GSE1: variants seen among roughly 807,000 people sequenced by gnomAD.
GSE1 encodes Gse1 coiled-coil protein, also known as genetic suppressor element 1.
A neutral mutation model predicts 112.6 loss-of-function variants in GSE1; 32 were observed. The ratio of observed to expected loss-of-function variants is 0.28; its 90% confidence interval spans 0.21 to 0.38. The LOEUF (loss-of-function observed/expected upper bound fraction) is 0.38. Among genes scored for constraint, GSE1 ranks in the 10% least tolerant of loss-of-function variants. The probability of loss-of-function intolerance (pLI) is 1.00; values close to 1 mark genes in which losing one functional copy is unlikely to be tolerated. For missense variants in GSE1, 2,348 were observed against 1,699.2 expected (o/e 1.38, Z -6.71); for synonymous variants, 1,115 against 735.6 (o/e 1.52, Z -8.35).
intron 1 of GSE1, among the ~76,000 whole-genome samples, chr16:85,568,774 G>C (rs1396003809): frequency 6.6e-6 from 1 of 152,148 alleles, no homozygotes; most frequent in Admixed American, 6.5e-5. Context: ...GCTGGGCTGG[G>C]GCCAGCTCAA....
chr16:85,644,958 G>A (rs894537250), intron 2 of GSE1, among the ~76,000 whole-genome samples: 16 of 151,844 alleles, frequency 1.1e-4, no homozygotes, highest in Admixed American at 3.9e-4. Flanking sequence ...ACAGAAAAGC[G>A]CCTAGACTGC....
chr16:85,286,720 T>C (rs1567664083), intron 1 of GSE1, among the ~76,000 whole-genome samples: 1 of 151,480 alleles, frequency 6.6e-6, no homozygotes, highest in African/African-American at 2.4e-5. Flanking sequence ...TTTTTTTTTT[T>C]GAAAGATGAA....
intron 1 of GSE1, among the ~76,000 whole-genome samples, chr16:85,238,306 G>T (rs1375387860): frequency 6.6e-6 from 1 of 152,238 alleles, no homozygotes; most frequent in Admixed American, 6.5e-5. Context: ...TTCTCCCTCA[G>T]TGCCTGTTTG....
At chr16:85,505,895 C>T (rs8062947) in intron 2 of GSE1, among the ~76,000 whole-genome samples, 38,169 of 151,760 alleles carry the variant, frequency 0.25, 5,075 homozygotes, top group Middle Eastern at 0.41. Flanking sequence ...GGAGGATGAG[C>T]CCAGGAGGTC....
At chr16:85,498,535 A>T (rs903033732) in intron 2 of GSE1, among the ~76,000 whole-genome samples, 1 of 143,994 alleles carries the variant, frequency 6.9e-6, no homozygotes, top group African/African-American at 2.6e-5. Flanking sequence ...ATGTACACAG[A>T]CATCCATGCA....
intron 1 of GSE1, among the ~76,000 whole-genome samples, chr16:85,176,850 C>T (rs2074476988): frequency 6.6e-6 from 1 of 152,250 alleles, no homozygotes; most frequent in South Asian, 2.1e-4. Context: ...GTTTCCCATG[C>T]TTCCTGACTA....
At chr16:85,651,611 G>T (rs12448744) in intron 3 of GSE1, among the ~76,000 whole-genome samples, 86,995 of 151,910 alleles carry the variant, frequency 0.57, 26,444 homozygotes, top group East Asian at 0.85. Flanking sequence ...GCATGCGGAG[G>T]AGGGCGGCAG....
chr16:85,322,634 A>G (rs1307183610), intron 1 of GSE1, among the ~76,000 whole-genome samples: 1 of 131,930 alleles, frequency 7.6e-6, no homozygotes, highest in Non-Finnish European at 1.6e-5. Context: ...TTTTTTTTTT[A>G]AGACAGAGTA....
intron 1 of GSE1, among the ~76,000 whole-genome samples, chr16:85,186,053 A>G (rs763616230): frequency 6.6e-6 from 1 of 152,190 alleles, no homozygotes; most frequent in African/African-American, 2.4e-5. Context: ...GGGCAGCGAC[A>G]TCTGACCATA....
intron 1 of GSE1, among the ~76,000 whole-genome samples, chr16:85,198,817 C>T (rs190269813): frequency 2.6e-5 from 4 of 152,188 alleles, no homozygotes; most frequent in South Asian, 2.1e-4. Flanking sequence ...CTCACTTAGT[C>T]GCCCAGGCTG....
intron 1 of GSE1, among the ~76,000 whole-genome samples, chr16:85,318,672 G>A (rs1050103019): frequency 6.6e-6 from 1 of 152,220 alleles, no homozygotes; most frequent in Non-Finnish European, 1.5e-5. Flanking sequence ...CAGCGCCATC[G>A]TTCAGGTCAG....
At chr16:85,188,131 G>A (rs1469031627) in intron 1 of GSE1, among the ~76,000 whole-genome samples, 1 of 152,198 alleles carries the variant, frequency 6.6e-6, no homozygotes, top group Non-Finnish European at 1.5e-5. Context: ...GTGGCTGGAG[G>A]GTACCTGGGA....
chr16:85,322,743 G>A (rs547725409), intron 1 of GSE1, among the ~76,000 whole-genome samples: 35 of 151,800 alleles, frequency 2.3e-4, no homozygotes, highest in Admixed American at 1.2e-3. Context: ...AGCCTCCTGA[G>A]TAGCTGGGAC....
chr16:85,256,532 G>T (rs78841156), intron 1 of GSE1, among the ~76,000 whole-genome samples: 2 of 152,220 alleles, frequency 1.3e-5, no homozygotes, highest in African/African-American at 4.8e-5. Flanking sequence ...GCCCAGGCAC[G>T]TTCCTTGGCG....
intron 2 of GSE1, among the ~76,000 whole-genome samples, chr16:85,464,235 T>G (rs1489553912): frequency 6.6e-6 from 1 of 151,516 alleles, no homozygotes; most frequent in Non-Finnish European, 1.5e-5. Flanking sequence ...TGTGGAGAGG[T>G]CGCGAACGGT....
At chr16:85,649,744 C>T (rs2051178072) in intron 3 of GSE1, among the ~76,000 whole-genome samples, 1 of 152,196 alleles carries the variant, frequency 6.6e-6, no homozygotes, top group Admixed American at 6.5e-5. Context: ...GGGACAGCCC[C>T]ACTTGGAAAT....
intron 1 of GSE1, among the ~76,000 whole-genome samples, chr16:85,623,909 G>A (rs915728351): frequency 3.9e-5 from 6 of 152,122 alleles, no homozygotes; most frequent in African/African-American, 1.4e-4. Flanking sequence ...CCTGTTCTTG[G>A]CTGTAGACTA....
At chr16:85,551,546 G>A (rs892536038), upstream of GSE1, among the ~76,000 whole-genome samples, 2 of 152,256 alleles carry the variant, frequency 1.3e-5, no homozygotes, top group Non-Finnish European at 2.9e-5. Context: ...TTCAATGGAA[G>A]GCCGCCCGGG....
chr16:85,363,025 T>G (rs1380572882), intron 2 of GSE1, among the ~76,000 whole-genome samples: 1 of 152,038 alleles, frequency 6.6e-6, no homozygotes, highest in Non-Finnish European at 1.5e-5. Context: ...TTAATAGACA[T>G]GGGGTTTCAC....
Sources: gnomAD v4.1 joint callset for allele counts (sites outside exome capture counted in the v4.1 genomes callset) on GRCh38, gnomAD v4.1.1 for gene constraint, MANE v1.5 for transcripts, NCBI Gene and HGNC (gene_info 2026-07-23, HGNC 2026-07-21) for gene names.